The following ATXN7L1 variants were observed in gnomAD, a reference collection of about 807,000 sequenced individuals.
ATXN7L1 encodes the protein ataxin 7 like 1.
Under a neutral mutation model 70.8 loss-of-function variants are expected in ATXN7L1, and 15 were observed. The observed-to-expected ratio is 0.21, with a 90% CI of 0.14 to 0.33. The LOEUF (loss-of-function observed/expected upper bound fraction) is 0.33. Among genes scored for constraint, ATXN7L1 ranks in the 10% least tolerant of loss-of-function variants. The pLI, the probability that ATXN7L1 is intolerant of heterozygous loss-of-function variation, is 1.00. For synonymous variants in ATXN7L1, 440 were observed against 445.1 expected, an observed-to-expected ratio of 0.99 and a Z score of 0.14; for missense variants, 975 against 1,097.1, an observed-to-expected ratio of 0.89 and a Z score of 1.57.
intron 9 of ATXN7L1, chr7:105,617,754 C>T (rs1794125943): frequency 5.6e-6 from 2 of 358,436 alleles, no homozygotes; most frequent in Non-Finnish European, 1.1e-5. Context: ...CAGTGCCCAA[C>T]CTCCCCTGCC....
At chr7:105,624,321 G>T (rs1228230331) in intron 7 of ATXN7L1, 54 bp from the exon 8 acceptor site, 17 of 1,312,134 alleles carry the variant, frequency 1.3e-5, no homozygotes, top group Non-Finnish European at 1.7e-5. Context: ...CTTTTCTGAG[G>T]TAACAAGATC....
chr7:105,749,280 A>G (rs1027624391), intron 3 of ATXN7L1, among the ~76,000 whole-genome samples: 1 of 152,036 alleles, frequency 6.6e-6, no homozygotes, highest in East Asian at 1.9e-4. Flanking sequence ...ACAGTACAGG[A>G]GAGTAAGGAA....
At chr7:105,717,921 T>A (rs34225859) in intron 3 of ATXN7L1, among the ~76,000 whole-genome samples, 12,131 of 152,268 alleles carry the variant, frequency 0.08, 643 homozygotes, top group African/African-American at 0.13. Context: ...CTCATTAATC[T>A]ATAAGAATTT....
intron 3 of ATXN7L1, among the ~76,000 whole-genome samples, chr7:105,775,503 A>T (rs900766494): frequency 1.3e-5 from 2 of 152,204 alleles, no homozygotes; most frequent in Admixed American, 6.5e-5. Context: ...AGACATAAGA[A>T]TCGGCTCCTT....
chr7:105,732,338 G>C (rs945803078), intron 3 of ATXN7L1, among the ~76,000 whole-genome samples: 1 of 152,116 alleles, frequency 6.6e-6, no homozygotes, highest in Non-Finnish European at 1.5e-5. Flanking sequence ...GCTTGAACCT[G>C]GGAGAAAGAG....
At position 105,819,685 on chromosome 7, in the gene ATXN7L1, A is replaced by T. The variant is rs528220335; in HGVS notation, c.251-30977T>A. On this transcript the variant is annotated intron_variant, in intron 2 of 11. Coordinates refer to ENST00000419735, the MANE Select transcript of ATXN7L1 (RefSeq NM_020725.2). Reference sequence around the variant, plus strand: ...TTCCTCCGCAAGCAGATGAACACCAACCCTTCCCGAGGCCCCTACCACTTC... The same window carrying T: ...TTCCTCCGCAAGCAGATGAACACCATCCCTTCCCGAGGCCCCTACCACTTC... The T allele has an allele frequency of 1.2e-5, 11 of 931,128 alleles. No homozygotes were observed. In the African/African-American group the frequency reaches 1.3e-4, roughly 11 times the overall value. 57.7% of individuals were successfully genotyped at this position (931,128 alleles called of 1,614,324 possible).
chr7:105,746,687 G>A (rs1478678792), intron 3 of ATXN7L1, among the ~76,000 whole-genome samples: 2 of 152,232 alleles, frequency 1.3e-5, no homozygotes, highest in African/African-American at 4.8e-5. Flanking sequence ...GTGGTTCTCT[G>A]TGAATCCCAG....
chr7:105,674,723 A>T (rs1804344900), intron 3 of ATXN7L1, among the ~76,000 whole-genome samples: 2 of 152,158 alleles, frequency 1.3e-5, no homozygotes, highest in African/African-American at 4.8e-5. Flanking sequence ...GTAACTTAGG[A>T]TCCTTTTTAA....
At chr7:105,703,776 A>T (rs923756395) in intron 3 of ATXN7L1, among the ~76,000 whole-genome samples, 3 of 152,222 alleles carry the variant, frequency 2.0e-5, no homozygotes, top group African/African-American at 7.2e-5. Flanking sequence ...ACAGTGTAAC[A>T]GTGTCCCCTC....
At chr7:105,861,405 C>G (rs1816614066) in intron 2 of ATXN7L1, among the ~76,000 whole-genome samples, 2 of 144,894 alleles carry the variant, frequency 1.4e-5, no homozygotes, top group Non-Finnish European at 3.0e-5. Flanking sequence ...GGCAGGCTAG[C>G]TGGGATGGGG....
intron 3 of ATXN7L1, among the ~76,000 whole-genome samples, chr7:105,675,778 T>C (rs1177083280): frequency 1.3e-5 from 2 of 151,210 alleles, no homozygotes; most frequent in Non-Finnish European, 2.9e-5. Context: ...CACTAACATA[T>C]CCTTAAGCAG....
At chr7:105,631,677 G>T (rs977199569) in intron 7 of ATXN7L1, among the ~76,000 whole-genome samples, 1 of 152,218 alleles carries the variant, frequency 6.6e-6, no homozygotes, top group Non-Finnish European at 1.5e-5. Flanking sequence ...ATGTTGGCCA[G>T]GCTGGTCTCG....
At chr7:105,692,636 G>A (rs1266146802) in intron 3 of ATXN7L1, among the ~76,000 whole-genome samples, 1 of 152,006 alleles carries the variant, frequency 6.6e-6, no homozygotes, top group African/African-American at 2.4e-5. Context: ...TGGTAGAGAT[G>A]GAGTTTTGCC....
intron 7 of ATXN7L1, among the ~76,000 whole-genome samples, chr7:105,629,292 C>T (rs1347199804): frequency 1.3e-5 from 2 of 152,038 alleles, no homozygotes; most frequent in Admixed American, 1.3e-4. Flanking sequence ...TAGCCTCAAA[C>T]AACTGGCACT....
intron 4 of ATXN7L1, among the ~76,000 whole-genome samples, chr7:105,653,914 A>T (rs1584533060): frequency 6.6e-6 from 1 of 152,040 alleles, no homozygotes; most frequent in African/African-American, 2.4e-5. Context: ...CCAGATCCGG[A>T]GGAAACATCC....
Position 105,702,976 on chromosome 7 carries a change from C to A in ATXN7L1, c.356-37688G>T, listed in dbSNP as rs192909886. Among the ~76,000 whole-genome samples the A allele has an allele frequency of 7.2e-3, 1,095 of 152,272 alleles. 15 individuals are homozygous for A. The highest frequency in any genetic ancestry group is 0.025 in the African/African-American group (1,046 of 41,548). On this transcript the variant is annotated intron_variant, in intron 3 of 11. Coordinates refer to ENST00000419735, the MANE Select transcript of ATXN7L1 (RefSeq NM_020725.2). ...CTAAAAATACAAAAAATTAGCAAGG[C>A]GTGGCGGCGTGCGCCTGTAGTCCCA...
chr7:105,762,693 GT>G (rs1800710276), intron 3 of ATXN7L1, among the ~76,000 whole-genome samples: 1 of 152,180 alleles, frequency 6.6e-6, no homozygotes, highest in South Asian at 2.1e-4. Context: ...TCTCACTGAG[GT>G]GACACTCTTC....
intron 2 of ATXN7L1, among the ~76,000 whole-genome samples, chr7:105,837,869 C>T (rs1331419603): frequency 6.6e-6 from 1 of 152,108 alleles, no homozygotes; most frequent in African/African-American, 2.4e-5. Flanking sequence ...GGGACGTTTG[C>T]CAAATGCCTG....
chr7:105,778,639 C>T (rs1265533488), intron 3 of ATXN7L1, among the ~76,000 whole-genome samples: 2 of 151,898 alleles, frequency 1.3e-5, no homozygotes, highest in East Asian at 1.9e-4. Context: ...CATTTCTACT[C>T]GATTCACAGA....
Sources: allele counts gnomAD v4.1 joint callset (sites outside exome capture counted in the v4.1 genomes callset), GRCh38; gene constraint gnomAD v4.1.1; transcripts MANE v1.5; gene names NCBI Gene and HGNC (gene_info 2026-07-23, HGNC 2026-07-21).